The following MYT1L variants were observed in gnomAD, a reference collection of about 807,000 sequenced individuals.
MYT1L encodes myelin transcription factor 1-like protein.
Under a neutral mutation model 126.7 loss-of-function variants are expected in MYT1L, and 12 were observed. The ratio of observed to expected loss-of-function variants is 0.09; its 90% CI spans 0.06 to 0.15. The LOEUF (loss-of-function observed/expected upper bound fraction) is 0.15, where lower values mean the gene tolerates loss of function less well. Ranked by LOEUF, MYT1L falls within the 10% of genes least tolerant of loss-of-function variation. MYT1L has a pLI of 1.00. For missense variants in MYT1L, 979 were observed against 1,585.2 expected (o/e 0.62, Z 6.49); for synonymous variants, 541 against 604.2 (o/e 0.90, Z 1.53).
chr2:1,975,924 A>G (rs1304263811), intron 8 of MYT1L, among the ~76,000 whole-genome samples: 1 of 152,168 alleles, frequency 6.6e-6, no homozygotes, highest in Non-Finnish European at 1.5e-5. Context: ...TTTCCTAAAA[A>G]AGAAAAATTG....
chr2:2,065,848 GCA>G (rs10678486), intron 3 of MYT1L, among the ~76,000 whole-genome samples: 32,826 of 135,062 alleles, frequency 0.24, 4,294 homozygotes, highest in Middle Eastern at 0.38. Context: ...ACACACACAC[GCA>G]CACACACACA....
intron 5 of MYT1L, among the ~76,000 whole-genome samples, chr2:1,981,949 T>G (rs1649508161): frequency 6.6e-6 from 1 of 152,188 alleles, no homozygotes; most frequent in African/African-American, 2.4e-5. Context: ...CACAACACAA[T>G]GGCTCATCAG....
chr2:1,828,859 T>TA (rs1558676513), intron 21 of MYT1L, among the ~76,000 whole-genome samples: 1 of 152,176 alleles, frequency 6.6e-6, no homozygotes. Flanking sequence ...GGAAGGACTT[T>TA]AAAAAAATGT....
chr2:2,129,946 C>G (rs2082165126), intron 3 of MYT1L, among the ~76,000 whole-genome samples: 1 of 150,630 alleles, frequency 6.6e-6, no homozygotes, highest in Non-Finnish European at 1.5e-5. Flanking sequence ...GAATTGTAAA[C>G]TTAAGGAACA....
At chr2:2,110,138 G>A (rs1258328684) in intron 3 of MYT1L, among the ~76,000 whole-genome samples, 1 of 151,622 alleles carries the variant, frequency 6.6e-6, no homozygotes, top group Non-Finnish European at 1.5e-5. Context: ...TTTGATGCCA[G>A]GAGATACCTG....
At chr2:2,050,864 A>G (rs1383728744) in intron 4 of MYT1L, among the ~76,000 whole-genome samples, 1 of 152,186 alleles carries the variant, frequency 6.6e-6, no homozygotes, top group East Asian at 1.9e-4. Context: ...GGGTAGGACT[A>G]GCAGAACAAT....
intron 2 of MYT1L, among the ~76,000 whole-genome samples, chr2:2,251,906 AAAG>A (rs2149221631): frequency 6.6e-6 from 1 of 151,980 alleles, no homozygotes; most frequent in Non-Finnish European, 1.5e-5. Context: ...GAAAGAAAGA[AAAG>A]AAAAAGAAAG....
chr2:1,957,526 TATCA>T (rs1017538228), intron 8 of MYT1L, among the ~76,000 whole-genome samples: 1 of 152,156 alleles, frequency 6.6e-6, no homozygotes, highest in Non-Finnish European at 1.5e-5. Flanking sequence ...GTCATCTTTC[TATCA>T]ATCTTCCCCA....
At chr2:2,276,781 C>T (rs544862544) in intron 2 of MYT1L, among the ~76,000 whole-genome samples, 1 of 152,152 alleles carries the variant, frequency 6.6e-6, no homozygotes, top group South Asian at 2.1e-4. Flanking sequence ...CTGCTTTCTA[C>T]TCCTCCTCAT....
chr2:1,918,825 A>G (rs1367997469), intron 10 of MYT1L, among the ~76,000 whole-genome samples: 1 of 152,238 alleles, frequency 6.6e-6, no homozygotes, highest in Non-Finnish European at 1.5e-5. Context: ...TGTGGCTTCA[A>G]TTTCTAATTA....
intron 19 of MYT1L, among the ~76,000 whole-genome samples, chr2:1,850,024 G>A (rs908700528): frequency 5.4e-5 from 6 of 111,440 alleles, no homozygotes; most frequent in African/African-American, 1.5e-4. Flanking sequence ...TCTAGGGGGC[G>A]GGGTGGTGAG....
intron 2 of MYT1L, among the ~76,000 whole-genome samples, chr2:2,178,963 G>A (rs1283933853): frequency 2.6e-5 from 4 of 152,162 alleles, no homozygotes; most frequent in Non-Finnish European, 4.4e-5. Context: ...CAGGGCACAC[G>A]GGAGAAGACG....
chr2:2,251,993 T>C (rs1409680515), intron 2 of MYT1L, among the ~76,000 whole-genome samples: 1 of 152,062 alleles, frequency 6.6e-6, no homozygotes, highest in South Asian at 2.1e-4. Flanking sequence ...AGCAGGCATC[T>C]AAAAAATATA....
chr2:2,209,026 C>A (rs201548616), intron 2 of MYT1L, among the ~76,000 whole-genome samples: 1 of 142,154 alleles, frequency 7.0e-6, no homozygotes, highest in African/African-American at 2.6e-5. Context: ...ACACACACAC[C>A]CCAAATAGAT....
At chr2:1,934,257 G>A (rs1048871590) in intron 9 of MYT1L, among the ~76,000 whole-genome samples, 3 of 144,892 alleles carry the variant, frequency 2.1e-5, no homozygotes, top group African/African-American at 5.1e-5. Flanking sequence ...ACAGGCGTGG[G>A]CCACAGCCCC....
chr2:2,227,224 G>T (rs750643343), intron 2 of MYT1L, among the ~76,000 whole-genome samples: 4 of 152,002 alleles, frequency 2.6e-5, no homozygotes, highest in Admixed American at 6.5e-5. Context: ...ATTCTTTGTT[G>T]ATATCATCTG....
In MYT1L at chr2:1,994,885, T is replaced by A. The variant is rs114709005; in HGVS notation, c.-1+2306A>T. Among the ~76,000 whole-genome samples the A allele has an allele frequency of 2.8e-3, 434 of 152,350 alleles. 2 individuals are homozygous for A. The highest frequency in any genetic ancestry group is 8.7e-3 in the African/African-American group (362 of 41,584). ...GTTTGCATATTCTTTTTAATTTTTT[T>A]AAATTATTCTACTTATTTTTTAGGG... is the stretch of plus-strand genomic sequence containing the variant. On this transcript the variant is annotated intron_variant, in intron 5 of 24. Coordinates refer to ENST00000647738, the MANE Select transcript of MYT1L (RefSeq NM_001303052.2).
intron 3 of MYT1L, among the ~76,000 whole-genome samples, chr2:2,160,121 T>C (rs11687581): frequency 0.12 from 18,629 of 152,118 alleles, 1,197 homozygotes; most frequent in East Asian, 0.19. Flanking sequence ...CATGTGCCTC[T>C]CACATAGCAC....
rs547547568 is a variant in MYT1L, at chr2:2,173,984, C to CA, written c.-420-997dup. Among the ~76,000 whole-genome samples, 14 of 152,272 alleles carry CA rather than the reference C, an allele frequency of 9.2e-5. No homozygotes were observed. The East Asian group carries it at 2.7e-3, about 29-fold the overall frequency. ...ATAACACAAGATTTCCTAGGAAACA[C>CA]AAAGGCAGCCAATAAAATGCAACCA... On this transcript the variant is annotated intron_variant, in intron 2 of 24. Transcript: ENST00000647738.
Sources: gnomAD v4.1 joint callset for allele counts (sites outside exome capture counted in the v4.1 genomes callset) on GRCh38, gnomAD v4.1.1 for gene constraint, MANE v1.5 for transcripts, NCBI Gene and HGNC (gene_info 2026-07-23, HGNC 2026-07-21) for gene names.